RBFOX1: variants seen among roughly 807,000 people sequenced by gnomAD.
RBFOX1 encodes RNA binding fox-1 homolog 1.
Under a neutral mutation model 57.7 loss-of-function variants are expected in RBFOX1, and 8 were observed. The observed-to-expected ratio is 0.14, with a 90% CI of 0.08 to 0.25. RBFOX1 has a LOEUF of 0.25. Ranked by LOEUF, RBFOX1 falls within the 10% of genes least tolerant of loss-of-function variation. The pLI is 1.00. For synonymous variants in RBFOX1, 326 were observed against 222.4 expected (o/e 1.47, Z -4.15); for missense variants, 611 against 548.5 (o/e 1.11, Z -1.14).
chr16:5,942,266 T>G (rs148901148), intron 4 of RBFOX1, among the ~76,000 whole-genome samples: 1 of 152,224 alleles, frequency 6.6e-6, no homozygotes, highest in East Asian at 1.9e-4. Context: ...TATAGTTTGA[T>G]TGGCAGGGGA....
chr16:7,187,737 GA>G (rs2084287908), intron 4 of RBFOX1, among the ~76,000 whole-genome samples: 1 of 101,526 alleles, frequency 9.8e-6, no homozygotes, highest in African/African-American at 3.7e-5. Flanking sequence ...GAAAAGAAAA[GA>G]AGCGCTTTTA....
At chr16:5,952,783 T>G (rs1352743835) in intron 4 of RBFOX1, among the ~76,000 whole-genome samples, 1 of 152,176 alleles carries the variant, frequency 6.6e-6, no homozygotes, top group Non-Finnish European at 1.5e-5. Flanking sequence ...TGTGCACACC[T>G]GGGAGAGTTT....
intron 3 of RBFOX1, among the ~76,000 whole-genome samples, chr16:6,780,382 TAC>T (rs1435825626): frequency 1.0e-5 from 1 of 95,484 alleles, no homozygotes; most frequent in Non-Finnish European, 1.8e-5. Context: ...GATATATTTA[TAC>T]ATATTATATA....
chr16:7,552,461 T>C (rs1460316941), intron 5 of RBFOX1, among the ~76,000 whole-genome samples: 7 of 152,114 alleles, frequency 4.6e-5, no homozygotes, highest in South Asian at 2.1e-4. Context: ...TTCAGAGAAG[T>C]TGCAGAGTTG....
intron 3 of RBFOX1, among the ~76,000 whole-genome samples, chr16:5,673,265 C>A (rs1196501015): frequency 6.6e-6 from 1 of 152,068 alleles, no homozygotes; most frequent in Non-Finnish European, 1.5e-5. Flanking sequence ...AGAAGCAACC[C>A]ACATTACAGG....
At chr16:6,645,026 G>C (rs1223681971) in intron 2 of RBFOX1, among the ~76,000 whole-genome samples, 1 of 152,182 alleles carries the variant, frequency 6.6e-6, no homozygotes, top group Non-Finnish European at 1.5e-5. Context: ...AGTTGAAAGT[G>C]TGAGCAGGAC....
rs144216308 is a variant in RBFOX1, at chr16:6,627,865, T to C, written c.-63-26738T>C. 3.4e-4 allele frequency among the ~76,000 whole-genome samples: 52 copies of C among 152,274 alleles called. 1 individual carries two copies. The highest frequency in any genetic ancestry group is 1.1e-3 in the African/African-American group (47 of 41,552). On this transcript the variant is annotated intron_variant, in intron 2 of 15. Transcript: ENST00000550418. ...GTGTCTCAGTACAAAAGGAGAAGTTTCACAAAGCATTTAGACATCTTATAA... is the reference window on the plus strand; with the variant it reads ...GTGTCTCAGTACAAAAGGAGAAGTTCCACAAAGCATTTAGACATCTTATAA...
intron 11 of RBFOX1, among the ~76,000 whole-genome samples, chr16:7,647,639 A>G (rs1040848106): frequency 1.4e-4 from 21 of 152,194 alleles, no homozygotes; most frequent in Admixed American, 2.6e-4. Context: ...TTAATTAACA[A>G]AGAGGCATTT....
At chr16:6,431,908 TC>T (rs1429678730) in intron 2 of RBFOX1, among the ~76,000 whole-genome samples, 1 of 97,076 alleles carries the variant, frequency 1.0e-5, no homozygotes, top group Non-Finnish European at 2.3e-5. Flanking sequence ...TTTCTTTCTT[TC>T]TTTCTTTCTT....
chr16:6,348,824 TG>T (rs2085803949), intron 2 of RBFOX1, among the ~76,000 whole-genome samples: 1 of 152,026 alleles, frequency 6.6e-6, no homozygotes, highest in African/African-American at 2.4e-5. Flanking sequence ...CCTCCAACAC[TG>T]GGGATTACAA....
At chr16:5,628,172 C>A (rs1334813670) in intron 3 of RBFOX1, among the ~76,000 whole-genome samples, 1 of 152,072 alleles carries the variant, frequency 6.6e-6, no homozygotes, top group African/African-American at 2.4e-5. Context: ...TGGGTAGATA[C>A]CCTTATATCA....
intron 3 of RBFOX1, among the ~76,000 whole-genome samples, chr16:5,708,031 T>C (rs1263693775): frequency 1.3e-5 from 2 of 152,098 alleles, no homozygotes; most frequent in Admixed American, 1.3e-4. Context: ...TTAATTATTG[T>C]TGTTGAAAGA....
At chr16:7,291,454 C>T (rs2095771878) in intron 4 of RBFOX1, among the ~76,000 whole-genome samples, 4 of 151,954 alleles carry the variant, frequency 2.6e-5, no homozygotes, top group South Asian at 4.1e-4. Flanking sequence ...ATTAAGACAG[C>T]CTTAATAGTT....
chr16:5,945,020 C>G (rs1358702947), intron 4 of RBFOX1, among the ~76,000 whole-genome samples: 1 of 133,054 alleles, frequency 7.5e-6, no homozygotes, highest in African/African-American at 2.8e-5. Flanking sequence ...AGAGAGAAAA[C>G]CATTCTCACC....
At chr16:7,311,045 G>A (rs1317176761) in intron 4 of RBFOX1, among the ~76,000 whole-genome samples, 2 of 152,184 alleles carry the variant, frequency 1.3e-5, no homozygotes, top group African/African-American at 2.4e-5. Flanking sequence ...AATTTGCAAG[G>A]GGCAAGGCTA....
At chr16:5,844,128 G>C (rs144684071) in intron 3 of RBFOX1, among the ~76,000 whole-genome samples, 114 of 152,290 alleles carry the variant, frequency 7.5e-4, no homozygotes, top group African/African-American at 2.6e-3. Flanking sequence ...TGAGACTAAA[G>C]CTTAGTGTTT....
At chr16:5,324,494 G>A (rs1423061732) in intron 1 of RBFOX1, among the ~76,000 whole-genome samples, 6 of 151,998 alleles carry the variant, frequency 3.9e-5, no homozygotes, top group Non-Finnish European at 8.8e-5. Context: ...TCCTAGCCCT[G>A]CCCCAAACCT....
chr16:5,465,047 G>A (rs1029747625), intron 1 of RBFOX1, among the ~76,000 whole-genome samples: 1 of 152,190 alleles, frequency 6.6e-6, no homozygotes, highest in Non-Finnish European at 1.5e-5. Flanking sequence ...TCAGAGGGGA[G>A]AGAAAAGCCA....
At chr16:6,248,102 A>G (rs2097579509) in intron 1 of RBFOX1, among the ~76,000 whole-genome samples, 1 of 152,224 alleles carries the variant, frequency 6.6e-6, no homozygotes, top group Non-Finnish European at 1.5e-5. Context: ...TCTCTCTTTT[A>G]TTCCTTCCAT....
Sources: allele counts gnomAD v4.1 joint callset (sites outside exome capture counted in the v4.1 genomes callset), GRCh38; gene constraint gnomAD v4.1.1; transcripts MANE v1.5; gene names NCBI Gene and HGNC (gene_info 2026-07-23, HGNC 2026-07-21).